CLVS1: variants seen among roughly 807,000 people sequenced by gnomAD.
The protein encoded by CLVS1 is clavesin-1.
A neutral mutation model predicts 33.1 loss-of-function variants in CLVS1; 10 were observed. That is an observed-to-expected ratio of 0.30 (90% confidence interval 0.19 to 0.51). The LOEUF is 0.51. CLVS1 is among the 20% of genes least tolerant of loss of function. The pLI is 0.97. For synonymous variants in CLVS1, 163 were observed against 166.1 expected (o/e 0.98, Z 0.14); for missense variants, 343 against 433.4 (o/e 0.79, Z 1.85).
intron 2 of CLVS1, among the ~76,000 whole-genome samples, chr8:61,173,040 G>T (rs1036513124): frequency 5.3e-5 from 8 of 152,084 alleles, no homozygotes; most frequent in Admixed American, 2.0e-4. Context: ...CAGGTTTTGT[G>T]GCAAACTAGG....
intron 3 of CLVS1, chr8:61,378,085 C>A (rs1040277986): frequency 6.6e-6 from 1 of 152,170 alleles, no homozygotes; most frequent in African/African-American, 2.4e-5. Context: ...AAGCTTTTAT[C>A]AAAGGAAGTT....
At chr8:61,036,575 C>T in the CLVS1 span, among the ~76,000 whole-genome samples, 1 of 152,192 alleles carries the variant, frequency 6.6e-6, no homozygotes, top group Non-Finnish European at 1.5e-5. Flanking sequence ...ATTGTCCTCT[C>T]CTCCCCCTCC....
rs1487577021 is a variant in CLVS1 at position 61,310,012 on chromosome 8, T to C, written c.455+9730T>C. Among the ~76,000 whole-genome samples, 3 of 152,160 alleles carry C rather than the reference T, an allele frequency of 2.0e-5. No homozygotes were observed. In the East Asian group the frequency reaches 5.8e-4, roughly 29 times the overall value. ...TAGCATGAAAGGGGAAGATTTCTAA[T>C]GTATCCATGGTGAATATTGGTGAGG... On this transcript the variant is annotated intron_variant, in intron 2 of 5. Coordinates refer to ENST00000325897, the MANE Select transcript of CLVS1 (RefSeq NM_173519.3).
At chr8:61,422,183 A>C (rs751569112) in intron 3 of CLVS1, among the ~76,000 whole-genome samples, 1 of 152,028 alleles carries the variant, frequency 6.6e-6, no homozygotes, top group Non-Finnish European at 1.5e-5. Context: ...AATTAGAAGC[A>C]AGAAAAAAAA....
At chr8:61,465,166 T>G (rs1398776606) in intron 5 of CLVS1, 1 of 152,300 alleles carries the variant, frequency 6.6e-6, no homozygotes, top group Admixed American at 6.5e-5. Context: ...AGGTCTGCCC[T>G]CTGAACAGCA....
In CLVS1 at chr8:61,331,006, C is replaced by T. The variant is rs537243436; in HGVS notation, c.455+30724C>T. 2.3e-4 allele frequency among the ~76,000 whole-genome samples: 35 copies of T among 152,068 alleles called. No individual in the cohort carries two copies. The South Asian group carries it at 7.3e-3, about 32-fold the overall frequency. Reference sequence around the variant, plus strand: ...TTGAAGTGGGAGGATCACTTGGGCCCAGGAGTTAGAGGCTGCAGTGAGATA... The same window carrying T: ...TTGAAGTGGGAGGATCACTTGGGCCTAGGAGTTAGAGGCTGCAGTGAGATA... On this transcript the variant is annotated intron_variant, in intron 2 of 5. Transcript: ENST00000325897.
At chr8:61,475,686 C>A (rs1366262719) in intron 5 of CLVS1, among the ~76,000 whole-genome samples, 3 of 152,076 alleles carry the variant, frequency 2.0e-5, no homozygotes, top group Non-Finnish European at 1.5e-5. Flanking sequence ...ATTGTAGATT[C>A]TGGATATTAG....
At chr8:61,417,489 T>C (rs754222849) in intron 3 of CLVS1, among the ~76,000 whole-genome samples, 2 of 152,214 alleles carry the variant, frequency 1.3e-5, no homozygotes, top group Admixed American at 6.5e-5. Flanking sequence ...TTCTGGCTGC[T>C]TACCTGCCCA....
intron 2 of CLVS1, among the ~76,000 whole-genome samples, chr8:61,366,365 A>G (rs1813210093): frequency 1.3e-5 from 2 of 152,186 alleles, no homozygotes; most frequent in African/African-American, 4.8e-5. Context: ...ACTGCATTTT[A>G]TCACTGACTG....
At chr8:61,053,889 G>A (rs1327201306), upstream of CLVS1, among the ~76,000 whole-genome samples, 1 of 152,202 alleles carries the variant, frequency 6.6e-6, no homozygotes, top group African/African-American at 2.4e-5. Flanking sequence ...ATTCCTTGGA[G>A]AGAGAAAGAT....
intron 5 of CLVS1, chr8:61,465,237 G>T (rs1375113986): frequency 6.6e-6 from 1 of 152,186 alleles, no homozygotes; most frequent in Admixed American, 6.5e-5. Flanking sequence ...GACCCCCATA[G>T]TTCCCTACAT....
intron 3 of CLVS1, among the ~76,000 whole-genome samples, chr8:61,418,627 AT>A (rs1413785272): frequency 6.6e-6 from 1 of 152,118 alleles, no homozygotes; most frequent in African/African-American, 2.4e-5. Flanking sequence ...CTGAAATTAG[AT>A]TTTTTCCCAC....
intron 2 of CLVS1, among the ~76,000 whole-genome samples, chr8:61,224,163 C>G (rs2129310403): frequency 6.6e-6 from 1 of 152,124 alleles, no homozygotes; most frequent in South Asian, 2.1e-4. Context: ...TAAAGCCTAC[C>G]TCTGTCAATT....
intron 1 of CLVS1, among the ~76,000 whole-genome samples, chr8:61,119,512 G>C (rs1805812337): frequency 1.3e-5 from 2 of 148,308 alleles, no homozygotes; most frequent in Non-Finnish European, 3.0e-5. Context: ...GGCTGGTACT[G>C]GTTGTTCCTT....
chr8:61,248,221 T>C (rs1808858777), intron 2 of CLVS1, among the ~76,000 whole-genome samples: 1 of 152,196 alleles, frequency 6.6e-6, no homozygotes, highest in Non-Finnish European at 1.5e-5. Flanking sequence ...GGTAACATGA[T>C]TCTTCCAGCT....
the CLVS1 span, among the ~76,000 whole-genome samples, chr8:60,968,257 C>T: frequency 2.1e-4 from 32 of 152,340 alleles, no homozygotes; most frequent in African/African-American, 7.5e-4. Context: ...CGCCCGTAAT[C>T]GCAGCACTTT....
At chr8:61,257,092 A>T (rs943861587) in intron 2 of CLVS1, among the ~76,000 whole-genome samples, 4 of 152,204 alleles carry the variant, frequency 2.6e-5, no homozygotes, top group African/African-American at 9.6e-5. Flanking sequence ...TAACACATAC[A>T]TTTTATAATG....
chr8:61,001,147 T>C, the CLVS1 span, among the ~76,000 whole-genome samples: 29 of 152,180 alleles, frequency 1.9e-4, no homozygotes, highest in Admixed American at 1.2e-3. Context: ...CATTTCATTG[T>C]ATTTTTTGGT....
At chr8:61,029,842 T>A in the CLVS1 span, among the ~76,000 whole-genome samples, 1 of 152,132 alleles carries the variant, frequency 6.6e-6, no homozygotes, top group African/African-American at 2.4e-5. Context: ...AGGATGCAGG[T>A]CTTGGGTGGC....
Sources: gnomAD v4.1 joint callset for allele counts (sites outside exome capture counted in the v4.1 genomes callset) on GRCh38, gnomAD v4.1.1 for gene constraint, MANE v1.5 for transcripts, NCBI Gene and HGNC (gene_info 2026-07-23, HGNC 2026-07-21) for gene names.